ARHGAP10: variants seen among roughly 807,000 people sequenced by gnomAD.
ARHGAP10 encodes rho GTPase-activating protein 10.
ARHGAP10 carries 87 observed loss-of-function variants against 108.6 expected under a neutral mutation model. The observed-to-expected ratio is 0.80, with a 90% CI of 0.67 to 0.96. The LOEUF (loss-of-function observed/expected upper bound fraction) is 0.96, where lower values mean the gene tolerates loss of function less well. Among genes scored for constraint, ARHGAP10 ranks in the 40% least tolerant of loss-of-function variants. ARHGAP10 has a pLI of 0.00. For missense variants in ARHGAP10, 939 were observed against 954.5 expected (o/e 0.98, Z 0.21); for synonymous variants, 347 against 341.1 (o/e 1.02, Z -0.19).
intron 3 of ARHGAP10, among the ~76,000 whole-genome samples, chr4:147,835,646 T>A (rs1056180370): frequency 3.2e-4 from 48 of 152,378 alleles, no homozygotes; most frequent in African/African-American, 1.1e-3. Flanking sequence ...AGTGCTGGGA[T>A]TACAGGCATG....
chr4:147,849,870 A>T (rs1733788380), intron 4 of ARHGAP10, among the ~76,000 whole-genome samples: 1 of 152,096 alleles, frequency 6.6e-6, no homozygotes, highest in Admixed American at 6.5e-5. Flanking sequence ...GTTCTGCTGC[A>T]TTTTCTTATG....
In ARHGAP10 at chr4:147,741,788, A is replaced by G. The variant is rs536256209; in HGVS notation, c.154+9333A>G. 8.7e-3 allele frequency among the ~76,000 whole-genome samples: 175 copies of G among 20,032 alleles called. 1 individual carries two copies. The highest frequency in any genetic ancestry group is 0.029 in the Middle Eastern group (1 of 34). The allele number at this position is 20,032 out of a possible 152,430, so 13.1% of individuals were successfully genotyped here. Reference sequence around the variant, plus strand: ...TCTTTACACACACACACACACACACACACGCACACACACACACACACACAC... The same window carrying G: ...TCTTTACACACACACACACACACACGCACGCACACACACACACACACACAC... On this transcript the variant is annotated intron_variant, in intron 1 of 22. Transcript: ENST00000336498.
intron 1 of ARHGAP10, among the ~76,000 whole-genome samples, chr4:147,734,745 C>T (rs1660517583): frequency 6.6e-6 from 1 of 152,142 alleles, no homozygotes; most frequent in Non-Finnish European, 1.5e-5. Flanking sequence ...TTGAAAATGG[C>T]TTGATGAGGT....
At chr4:147,996,328 T>G (rs1439785523) in intron 18 of ARHGAP10, among the ~76,000 whole-genome samples, 4 of 152,160 alleles carry the variant, frequency 2.6e-5, no homozygotes, top group African/African-American at 7.2e-5. Context: ...ATGAATTGCC[T>G]CAGGAGAGGA....
intron 18 of ARHGAP10, among the ~76,000 whole-genome samples, chr4:148,000,305 TTTTCTTAATCCA>T (rs1342919524): frequency 6.6e-6 from 1 of 152,200 alleles, no homozygotes; most frequent in Admixed American, 6.5e-5. Context: ...ATGTGCCACA[TTTTCTTAATCCA>T]GTCTATCATT....
intron 3 of ARHGAP10, among the ~76,000 whole-genome samples, chr4:147,823,210 C>T (rs2126787131): frequency 6.6e-6 from 1 of 152,320 alleles, no homozygotes; most frequent in Non-Finnish European, 1.5e-5. Flanking sequence ...GACAGTAGGA[C>T]TACATCACTG....
chr4:148,038,885 G>A (rs1209691816), intron 19 of ARHGAP10, among the ~76,000 whole-genome samples: 1 of 152,132 alleles, frequency 6.6e-6, no homozygotes, highest in East Asian at 1.9e-4. Context: ...AGAAGCAAAT[G>A]TTCTTCTGCT....
At chr4:147,773,019 C>T (rs9332471) in intron 1 of ARHGAP10, among the ~76,000 whole-genome samples, 113,185 of 152,156 alleles carry the variant, frequency 0.74, 48,003 homozygotes, top group Non-Finnish European at 0.93. Flanking sequence ...TTCCAGAGTT[C>T]AGTGGTAAAA....
At chr4:147,738,022 T>TTG (rs1728489960) in intron 1 of ARHGAP10, among the ~76,000 whole-genome samples, 1 of 151,624 alleles carries the variant, frequency 6.6e-6, no homozygotes, top group South Asian at 2.1e-4. Context: ...TGTTGTTGTT[T>TTG]TTTTTTTTTT....
chr4:147,948,801 C>T (rs1262432888), intron 15 of ARHGAP10, among the ~76,000 whole-genome samples: 2 of 147,368 alleles, frequency 1.4e-5, no homozygotes, highest in African/African-American at 5.1e-5. Context: ...CTAAAAAATA[C>T]AAGAAAAAAA....
intron 1 of ARHGAP10, among the ~76,000 whole-genome samples, chr4:147,812,865 A>G (rs991961169): frequency 2.0e-5 from 3 of 152,176 alleles, no homozygotes; most frequent in African/African-American, 7.2e-5. Context: ...ATGTCCATGT[A>G]ATTTGTTATA....
At chr4:147,842,870 A>G (rs549244650) in intron 3 of ARHGAP10, among the ~76,000 whole-genome samples, 84 of 152,324 alleles carry the variant, frequency 5.5e-4, no homozygotes, top group African/African-American at 1.8e-3. Context: ...AAATCCCACA[A>G]TAAGGCAGAT....
At chr4:147,822,112 T>C (rs968340325) in intron 1 of ARHGAP10, among the ~76,000 whole-genome samples, 15 of 152,232 alleles carry the variant, frequency 9.9e-5, no homozygotes, top group Non-Finnish European at 2.9e-5. Flanking sequence ...ACTATTAATC[T>C]CCAATTAAGA....
At chr4:147,762,999 G>A (rs1729652624) in intron 1 of ARHGAP10, among the ~76,000 whole-genome samples, 1 of 151,950 alleles carries the variant, frequency 6.6e-6, no homozygotes. Flanking sequence ...ACTTTGACAG[G>A]ACATAAACAT....
At chr4:147,894,119 A>T (rs1169814874) in intron 10 of ARHGAP10, among the ~76,000 whole-genome samples, 1 of 121,908 alleles carries the variant, frequency 8.2e-6, no homozygotes, top group African/African-American at 2.9e-5. Flanking sequence ...ATATGTTTTT[A>T]TTAATCTTGC....
In ARHGAP10 at chr4:147,778,376, C is replaced by T. The variant is rs540780766; in HGVS notation, c.155-44351C>T. Among the ~76,000 whole-genome samples, 125 of 152,196 alleles carry T rather than the reference C, an allele frequency of 8.2e-4. No individual in the cohort carries two copies. The South Asian group carries it at 0.025, about 31-fold the overall frequency. The stretch of plus-strand genomic sequence containing the variant: ...TTACAGTGTGCTACAACTCTTTAAC[C>T]TGGGACATAACTTACCGAGATCTGC... On this transcript the variant is annotated intron_variant, in intron 1 of 22. Coordinates refer to ENST00000336498, the MANE Select transcript of ARHGAP10 (RefSeq NM_024605.4).
intron 22 of ARHGAP10, among the ~76,000 whole-genome samples, chr4:148,068,005 G>A (rs1319142196): frequency 6.6e-6 from 1 of 151,638 alleles, no homozygotes; most frequent in African/African-American, 2.4e-5. Context: ...CCTCGGGAGA[G>A]GGCTGTGTTT....
intron 19 of ARHGAP10, among the ~76,000 whole-genome samples, chr4:148,024,767 A>G (rs544620838): frequency 1.3e-5 from 2 of 152,324 alleles, no homozygotes; most frequent in East Asian, 3.9e-4. Context: ...CTTTCTCAGC[A>G]GAGTTGTTAA....
chr4:147,918,222 G>A (rs1737073201), intron 13 of ARHGAP10, among the ~76,000 whole-genome samples: 1 of 142,890 alleles, frequency 7.0e-6, no homozygotes, highest in South Asian at 2.2e-4. Flanking sequence ...TGCAAGCTCT[G>A]TCTCCTGGGT....
Sources: gnomAD v4.1 joint callset for allele counts (sites outside exome capture counted in the v4.1 genomes callset) on GRCh38, gnomAD v4.1.1 for gene constraint, MANE v1.5 for transcripts, NCBI Gene and HGNC (gene_info 2026-07-23, HGNC 2026-07-21) for gene names.